Variants in CLDN10 observed in about 807,000 individuals in gnomAD.
The protein encoded by CLDN10 is claudin-10.
CLDN10 carries 15 observed loss-of-function variants against 22.9 expected under a neutral mutation model. The observed-to-expected ratio is 0.65, with a 90% confidence interval of 0.44 to 1.01. CLDN10 has a LOEUF of 1.01. Ranked by LOEUF, CLDN10 falls within the 50% of genes least tolerant of loss-of-function variation. The pLI, the probability that CLDN10 is intolerant of heterozygous loss-of-function variation, is 0.00. For synonymous variants in CLDN10, 114 were observed against 111.4 expected, an observed-to-expected ratio of 1.02 and a Z score of -0.15; for missense variants, 247 against 287.8, an observed-to-expected ratio of 0.86 and a Z score of 1.03.
intron 1 of CLDN10, among the ~76,000 whole-genome samples, chr13:95,483,887 C>T (rs974091550): frequency 1.3e-5 from 2 of 152,058 alleles, no homozygotes; most frequent in East Asian, 3.9e-4. Context: ...GGATGTGGGG[C>T]CTTTGGGAGG....
chr13:95,500,424 G>A (rs2042973402), intron 1 of CLDN10, among the ~76,000 whole-genome samples: 1 of 152,214 alleles, frequency 6.6e-6, no homozygotes, highest in African/African-American at 2.4e-5. Context: ...AGAGGGAACA[G>A]CAAATGCCAA....
intron 1 of CLDN10, among the ~76,000 whole-genome samples, chr13:95,484,651 T>C (rs1181413901): frequency 7.0e-6 from 1 of 143,526 alleles, no homozygotes; most frequent in Non-Finnish European, 1.5e-5. Context: ...AAGACCAGCC[T>C]GGCCAACATG....
At chr13:95,538,422 G>C (rs531876808) in intron 1 of CLDN10, among the ~76,000 whole-genome samples, 1 of 152,132 alleles carries the variant, frequency 6.6e-6, no homozygotes, top group South Asian at 2.1e-4. Context: ...ACAGGCATGA[G>C]CCACCACACC....
At chr13:95,459,318 T>C (rs1204588454) in intron 1 of CLDN10, among the ~76,000 whole-genome samples, 9 of 152,230 alleles carry the variant, frequency 5.9e-5, no homozygotes. Flanking sequence ...AGGGACTCTG[T>C]GTGGGGGCTC....
At chr13:95,575,955 A>G (rs1375309420) in intron 3 of CLDN10, among the ~76,000 whole-genome samples, 1 of 152,220 alleles carries the variant, frequency 6.6e-6, no homozygotes, top group Non-Finnish European at 1.5e-5. Flanking sequence ...GGTACCATGC[A>G]TGCTTGATTA....
At chr13:95,545,154 T>C (rs1438149571) in intron 1 of CLDN10, among the ~76,000 whole-genome samples, 5 of 152,172 alleles carry the variant, frequency 3.3e-5, no homozygotes, top group Admixed American at 6.5e-5. Context: ...ATTTTTCAGA[T>C]TTATACATTT....
intron 1 of CLDN10, among the ~76,000 whole-genome samples, chr13:95,517,111 TC>T (rs139815981): frequency 0.4 from 58,208 of 147,356 alleles, 11,919 homozygotes; most frequent in African/African-American, 0.46. Flanking sequence ...GCCCTCCCTC[TC>T]TTCCTTTCTC....
chr13:95,532,509 A>G (rs920522856), intron 1 of CLDN10, among the ~76,000 whole-genome samples: 1 of 152,190 alleles, frequency 6.6e-6, no homozygotes, highest in Non-Finnish European at 1.5e-5. Context: ...GTTGGCAAGA[A>G]TGTAGAGTAC....
chr13:95,565,688 C>T (rs1342428730), intron 3 of CLDN10, among the ~76,000 whole-genome samples: 2 of 152,100 alleles, frequency 1.3e-5, no homozygotes, highest in Non-Finnish European at 2.9e-5. Flanking sequence ...AGGTTTGTTA[C>T]ATAGGTATAC....
intron 1 of CLDN10, among the ~76,000 whole-genome samples, chr13:95,501,260 C>T (rs11842455): frequency 0.077 from 11,781 of 152,116 alleles, 496 homozygotes; most frequent in Non-Finnish European, 0.086. Context: ...CTGATCCACC[C>T]GACTTGGCCT....
rs537523638 is a variant in CLDN10 at position 95,524,676 on chromosome 13, AGAT to A, written c.215-35455_215-35453del. Among the ~76,000 whole-genome samples, 495 of 152,310 alleles carry A rather than the reference AGAT, an allele frequency of 3.2e-3. 2 individuals are homozygous for A. The highest frequency in any genetic ancestry group is 0.011 in the African/African-American group (472 of 41,568). ...CAATTACCTTGGATATATACCAAGA[AGAT>A]AATAATTGCTGAGTCATATAGTAAT... is the stretch of plus-strand genomic sequence containing the variant. On this transcript the variant is annotated intron_variant, in intron 1 of 4. Coordinates refer to the CLDN10 transcript ENST00000376873.
intron 1 of CLDN10, among the ~76,000 whole-genome samples, chr13:95,494,166 C>A (rs553784470): frequency 3.3e-5 from 5 of 152,310 alleles, no homozygotes; most frequent in Admixed American, 3.3e-4. Context: ...AAGATAGATT[C>A]TCCACCGTTC....
chr13:95,463,285 AATATATATATAT>A (rs200962205), intron 1 of CLDN10, among the ~76,000 whole-genome samples: 769 of 40,088 alleles, frequency 0.019, 20 homozygotes, highest in Middle Eastern at 0.086. Flanking sequence ...GCAAATGCTT[AATATATATATAT>A]ATATATATAT....
chr13:95,445,841 G>A (rs1025293629), intron 1 of CLDN10, among the ~76,000 whole-genome samples: 10 of 152,106 alleles, frequency 6.6e-5, no homozygotes, highest in Non-Finnish European at 8.8e-5. Flanking sequence ...TGACATTAGC[G>A]GCACAGGAAT....
At chr13:95,532,792 C>CAAAAAAAA (rs57500288) in intron 1 of CLDN10, among the ~76,000 whole-genome samples, 1,380 of 61,480 alleles carry the variant, frequency 0.022, 14 homozygotes, top group Non-Finnish European at 0.024. Context: ...CTCAATTCAG[C>CAAAAAAAA]AAAAAAAAAA....
chr13:95,483,005 C>T (rs1225437605), intron 1 of CLDN10, among the ~76,000 whole-genome samples: 1 of 152,158 alleles, frequency 6.6e-6, no homozygotes, highest in African/African-American at 2.4e-5. Flanking sequence ...CATAAATAAG[C>T]CCATTAAACA....
chr13:95,434,144 A>G, intron 1 of CLDN10: 1 of 1,055,768 alleles, frequency 9.5e-7, no homozygotes, highest in Non-Finnish European at 1.4e-6. Context: ...AACTCTCTGA[A>G]GACTGAGTGC....
chr13:95,510,652 A>G (rs1183076871), intron 1 of CLDN10, among the ~76,000 whole-genome samples: 2 of 152,080 alleles, frequency 1.3e-5, no homozygotes, highest in South Asian at 4.1e-4. Context: ...TGGCTTAAGT[A>G]TATACATATA....
rs536010216 is a variant in CLDN10, at chr13:95,569,228, C to A, written c.465-8003C>A. 7.2e-5 allele frequency among the ~76,000 whole-genome samples: 11 copies of A among 152,154 alleles called. No individual in the cohort carries two copies. The South Asian group carries it at 1.9e-3, about 26-fold the overall frequency. ...AATGTTGGAGACCTAGTAGAAGAGA[C>A]AATTGTTTTAAGACACTTGGCTCTC... On this transcript the variant is annotated intron_variant, in intron 3 of 4. Coordinates refer to ENST00000299339, the MANE Select transcript of CLDN10 (RefSeq NM_006984.5).
Sources: allele counts gnomAD v4.1 joint callset (sites outside exome capture counted in the v4.1 genomes callset), GRCh38; gene constraint gnomAD v4.1.1; transcripts MANE v1.5; gene names NCBI Gene and HGNC (gene_info 2026-07-23, HGNC 2026-07-21).